The following BACE2 variants were observed in gnomAD, a reference collection of about 807,000 sequenced individuals.
BACE2 encodes the protein 56 kDa aspartic-like protease.
In BACE2, 17 loss-of-function variants were observed where a neutral mutation model predicts 46.2. That is an observed-to-expected ratio of 0.37 (90% CI 0.25 to 0.55). The LOEUF is 0.55. Among genes scored for constraint, BACE2 ranks in the 20% least tolerant of loss-of-function variants. The pLI, the probability that BACE2 is intolerant of heterozygous loss-of-function variation, is 0.82. For synonymous variants in BACE2, 277 were observed against 295.9 expected, an observed-to-expected ratio of 0.94 and a Z score of 0.66; for missense variants, 595 against 698.1, an observed-to-expected ratio of 0.85 and a Z score of 1.66.
intron 1 of BACE2, among the ~76,000 whole-genome samples, chr21:41,210,844 G>A (rs935224738): frequency 6.6e-5 from 10 of 152,164 alleles, no homozygotes; most frequent in African/African-American, 1.9e-4. Flanking sequence ...TTCAATATGC[G>A]TGCATCAGGA....
chr21:41,219,006 G>C (rs1986560494), intron 1 of BACE2, among the ~76,000 whole-genome samples: 1 of 152,062 alleles, frequency 6.6e-6, no homozygotes. Flanking sequence ...GGGACTACAG[G>C]TGTGCGCCAC....
intron 1 of BACE2, among the ~76,000 whole-genome samples, chr21:41,195,404 G>T (rs1422794840): frequency 1.3e-5 from 2 of 152,194 alleles, no homozygotes; most frequent in African/African-American, 2.4e-5. Flanking sequence ...ACCCATGGAG[G>T]ACCCATTAGG....
At chr21:41,266,331 C>A (rs920931784) in intron 8 of BACE2, among the ~76,000 whole-genome samples, 3 of 152,216 alleles carry the variant, frequency 2.0e-5, no homozygotes, top group Admixed American at 6.5e-5. Context: ...TGTCTGCTGG[C>A]TGCTCTCTCA....
chr21:41,259,893 C>T lies in BACE2; in HGVS notation c.1303+2567C>T, dbSNP rs150650531. ...CTCAGGCTAGAGTAGAGTGCAGTGG[C>T]ATGATCAGGGCTCACTTTAGCCCAA... On this transcript the variant is annotated intron_variant, in intron 8 of 8. Coordinates refer to ENST00000330333, the MANE Select transcript of BACE2 (RefSeq NM_012105.5). 2.6e-3 allele frequency among the ~76,000 whole-genome samples: 396 copies of T among 152,084 alleles called. 1 individual carries two copies. The highest frequency in any genetic ancestry group is 9.3e-3 in the African/African-American group (384 of 41,456).
intron 1 of BACE2, among the ~76,000 whole-genome samples, chr21:41,204,322 T>C (rs1986058633): frequency 6.6e-6 from 1 of 152,226 alleles, no homozygotes; most frequent in African/African-American, 2.4e-5. Context: ...ATTACAGGCA[T>C]GAGCCACTGC....
rs765259822 is a variant in BACE2 at position 41,280,395 on chromosome 21, C to T, written c.*4771C>T. ...ACAGCTTCTTTCTCCAGAATGTCTT[C>T]TGTCAGAGACTTCCAGGAAAGGAGC... On this transcript the variant is annotated 3_prime_UTR_variant, in exon 9 of 9. Transcript: ENST00000330333. 2 of 152,296 alleles carry T rather than the reference C, an allele frequency of 1.3e-5. No homozygotes were observed. Among genetic ancestry groups the T allele is most frequent in the African/African-American group, 2.4e-5 (1 of 41,472 alleles). The allele number at this position is 152,296 out of a possible 1,614,324, so 9.4% of individuals were successfully genotyped here. A position where few individuals can be genotyped will look rare whatever the true frequency, so the allele number is the denominator to read the frequency against.
intron 8 of BACE2, among the ~76,000 whole-genome samples, chr21:41,264,574 C>T (rs74477222): frequency 0.045 from 6,901 of 152,028 alleles, 217 homozygotes; most frequent in Middle Eastern, 0.082. Flanking sequence ...ACAGTCTTCA[C>T]GTGGCCAGAG....
chr21:41,168,586 C>T lies in BACE2; in HGVS notation c.312+11C>T, dbSNP rs776754525. The T allele has an allele frequency of 2.4e-5, 32 of 1,312,636 alleles. No individual in the cohort carries two copies. Among genetic ancestry groups the T allele is most frequent in the Non-Finnish European group, 2.9e-5 (30 of 1,023,316 alleles). 81.3% of individuals were successfully genotyped at this position (1,312,636 alleles called of 1,614,324 possible). ...ACCCCCCCGCAGAAGGTAGGGACCCCCGGCTGCTGCCGCGGGCTTTTCGGG... is the reference window on the plus strand; with the variant it reads ...ACCCCCCCGCAGAAGGTAGGGACCCTCGGCTGCTGCCGCGGGCTTTTCGGG... On this transcript the variant is annotated intron_variant, in intron 1 of 8. Transcript: ENST00000330333.
intron 1 of BACE2, among the ~76,000 whole-genome samples, chr21:41,209,084 G>A (rs554276424): frequency 8.5e-5 from 13 of 152,228 alleles, no homozygotes; most frequent in Admixed American, 1.3e-4. Context: ...CTGGGTTGCA[G>A]CCCATGTGCA....
At chr21:41,196,259 A>G (rs148694477) in intron 1 of BACE2, among the ~76,000 whole-genome samples, 4,333 of 151,796 alleles carry the variant, frequency 0.029, 221 homozygotes, top group African/African-American at 0.099. Context: ...GATTGCACCA[A>G]TGCACTCCAG....
chr21:41,225,900 G>A (rs1444626136), intron 1 of BACE2, among the ~76,000 whole-genome samples: 1 of 152,178 alleles, frequency 6.6e-6, no homozygotes, highest in African/African-American at 2.4e-5. Context: ...AGCAAGGGGA[G>A]GGTGAGCCCA....
intron 6 of BACE2, among the ~76,000 whole-genome samples, chr21:41,248,765 G>C (rs933336026): frequency 6.6e-6 from 1 of 152,204 alleles, no homozygotes; most frequent in Non-Finnish European, 1.5e-5. Context: ...TACGTGGCAC[G>C]TACCACCCCT....
Position 41,275,554 on chromosome 21 carries a change from G to A in BACE2, c.1487G>A (p.Cys496Tyr), listed in dbSNP as rs528439117. The change falls in exon 9 of 9, where the codon TGT (cysteine) becomes TAT (tyrosine). Residue 496 changes from cysteine to tyrosine, a missense_variant. Cys to Tyr is a radical substitution (Grantham distance 194). Coordinates refer to ENST00000330333, the MANE Select transcript of BACE2 (RefSeq NM_012105.5). ...GTCCTGCTGCTGCTGCCGTTCCGGTGTCAGCGTCGCCCCCGTGACCCTGAG... is the reference window on the plus strand; with the variant it reads ...GTCCTGCTGCTGCTGCCGTTCCGGTATCAGCGTCGCCCCCGTGACCCTGAG... ...LIVLLLLPFRCQRRPRDPEVV... is the reference protein window; with the variant it reads ...LIVLLLLPFRYQRRPRDPEVV... The A allele has an allele frequency of 6.2e-7, 1 of 1,614,128 alleles. No homozygotes were observed.
At chr21:41,189,709 A>C (rs568695369) in intron 1 of BACE2, among the ~76,000 whole-genome samples, 30 of 152,356 alleles carry the variant, frequency 2.0e-4, no homozygotes, top group Admixed American at 8.5e-4. Context: ...GTATGGAGAC[A>C]AGGTATAGAA....
At chr21:41,192,793 CT>C (rs1424269622) in intron 1 of BACE2, among the ~76,000 whole-genome samples, 1 of 152,246 alleles carries the variant, frequency 6.6e-6, no homozygotes, top group Non-Finnish European at 1.5e-5. Context: ...TTTCGGCTCA[CT>C]CGATAAATGG....
chr21:41,199,185 G>T (rs1985859585), intron 1 of BACE2, among the ~76,000 whole-genome samples: 1 of 151,866 alleles, frequency 6.6e-6, no homozygotes, highest in East Asian at 1.9e-4. Flanking sequence ...TTTTTTAACA[G>T]GAACCCTCTC....
At chr21:41,222,117 G>A (rs1568873978) in intron 1 of BACE2, among the ~76,000 whole-genome samples, 1 of 152,220 alleles carries the variant, frequency 6.6e-6, no homozygotes, top group Non-Finnish European at 1.5e-5. Flanking sequence ...CAGACTCTCT[G>A]CACCTCAGTG....
At chr21:41,178,875 CTT>C (rs141812025) in intron 1 of BACE2, 12,059 of 269,920 alleles carry the variant, frequency 0.045, 685 homozygotes, top group African/African-American at 0.16. Flanking sequence ...AGTAAACAGA[CTT>C]TTAGAGGAGT....
At chr21:41,191,066 T>C (rs1416759058) in intron 1 of BACE2, among the ~76,000 whole-genome samples, 1 of 152,144 alleles carries the variant, frequency 6.6e-6, no homozygotes, top group Non-Finnish European at 1.5e-5. Context: ...GGGGTGATGG[T>C]GAGTGATGCC....
Sources: gnomAD v4.1 joint callset for allele counts (sites outside exome capture counted in the v4.1 genomes callset) on GRCh38, gnomAD v4.1.1 for gene constraint, MANE v1.5 for transcripts, NCBI Gene and HGNC (gene_info 2026-07-23, HGNC 2026-07-21) for gene names.